Variants in CARM1 observed in about 807,000 individuals in gnomAD.
CARM1 encodes coactivator associated arginine methyltransferase 1, also known as histone-arginine methyltransferase CARM1.
CARM1 carries 14 observed loss-of-function variants against 72.7 expected under a neutral mutation model. That is an observed-to-expected ratio of 0.19 (90% confidence interval 0.13 to 0.30). The LOEUF (loss-of-function observed/expected upper bound fraction) is 0.30. CARM1 is among the 10% of genes least tolerant of loss of function. The probability of loss-of-function intolerance (pLI) is 1.00; values close to 1 mark genes in which losing one functional copy is unlikely to be tolerated. For synonymous variants in CARM1, 333 were observed against 345.5 expected (o/e 0.96, Z 0.40); for missense variants, 432 against 833.7 (o/e 0.52, Z 5.93).
At position 10,916,207 on chromosome 19, in the gene CARM1, G is replaced by A. The variant is rs1245275185; in HGVS notation, c.848-200G>A. Among the ~76,000 whole-genome samples the A allele has an allele frequency of 1.3e-5, 2 of 152,196 alleles. No homozygotes were observed. The highest frequency in any genetic ancestry group is 2.9e-5 in the Non-Finnish European group (2 of 68,038). ...CAGTCTCAGGTGGAATTCGTGAGCT[G>A]GTGCAGGTCAGGTACCCGTGGTGGT... On this transcript the variant is annotated intron_variant, in intron 6 of 15. Coordinates refer to ENST00000327064, the MANE Select transcript of CARM1 (RefSeq NM_199141.2). The surrounding 1 kb of genome is among the most constrained non-coding windows in gnomAD (Gnocchi z 4.4).
chr19:10,908,828 G>A (rs1029432858), intron 3 of CARM1: 3 of 336,028 alleles, frequency 8.9e-6, no homozygotes, highest in African/African-American at 4.4e-5. Flanking sequence ...CCCTGCCTGT[G>A]GCAAATCTTG....
chr19:10,898,150 T>C (rs1207832789), intron 1 of CARM1, among the ~76,000 whole-genome samples: 2 of 142,708 alleles, frequency 1.4e-5, no homozygotes, highest in Non-Finnish European at 3.1e-5. Flanking sequence ...CTAATAAAAA[T>C]ACAAAAATTA....
chr19:10,898,205 G>A (rs926392986), intron 1 of CARM1, among the ~76,000 whole-genome samples: 2 of 152,152 alleles, frequency 1.3e-5, no homozygotes, highest in African/African-American at 4.8e-5. Context: ...TACTCGGGAG[G>A]CTGAGACAGG....
chr19:10,876,581 G>C (rs2073866515), intron 1 of CARM1, among the ~76,000 whole-genome samples: 1 of 152,270 alleles, frequency 6.6e-6, no homozygotes, highest in African/African-American at 2.4e-5. Flanking sequence ...AGAAGGGCCT[G>C]TCTCTGTCAC....
intron 1 of CARM1, among the ~76,000 whole-genome samples, chr19:10,884,060 G>C (rs116771149): frequency 9.3e-5 from 12 of 129,348 alleles, no homozygotes; most frequent in Admixed American, 2.5e-4. Flanking sequence ...TTTTAATTAC[G>C]GGCCAGGTGC....
intron 1 of CARM1, among the ~76,000 whole-genome samples, chr19:10,894,953 C>T (rs900152470): frequency 1.5e-4 from 23 of 152,006 alleles, no homozygotes; most frequent in African/African-American, 4.6e-4. Context: ...CTGTGTTACC[C>T]AGGCTGGTCT....
chr19:10,904,588 G>A (rs1038340985), intron 1 of CARM1, among the ~76,000 whole-genome samples: 16 of 152,192 alleles, frequency 1.1e-4, no homozygotes, highest in African/African-American at 3.6e-4. Flanking sequence ...ACTGCTCTGC[G>A]CCCATCCAAG....
chr19:10,905,723 C>G (rs1443211218), intron 2 of CARM1, among the ~76,000 whole-genome samples: 1 of 152,024 alleles, frequency 6.6e-6, no homozygotes, highest in African/African-American at 2.4e-5. Flanking sequence ...CCGGCCTCCC[C>G]CTTGTCTCAA....
chr19:10,902,693 C>G (rs1259054965), intron 1 of CARM1, among the ~76,000 whole-genome samples: 1 of 151,150 alleles, frequency 6.6e-6, no homozygotes, highest in African/African-American at 2.4e-5. Context: ...ACTGCAGTGT[C>G]AACTTCCTGG....
At chr19:10,904,078 T>G (rs185436033) in intron 1 of CARM1, among the ~76,000 whole-genome samples, 1 of 152,338 alleles carries the variant, frequency 6.6e-6, no homozygotes, top group East Asian at 1.9e-4. Flanking sequence ...CATTGGGCAC[T>G]CCCCTCTTTC....
intron 1 of CARM1, among the ~76,000 whole-genome samples, chr19:10,885,905 T>C (rs1003976874): frequency 6.7e-6 from 1 of 149,816 alleles, no homozygotes. Context: ...TTTTTTTTTT[T>C]TTTTTTTTTG....
chr19:10,917,955 G>A (rs915897960), intron 8 of CARM1, among the ~76,000 whole-genome samples: 3 of 151,996 alleles, frequency 2.0e-5, no homozygotes, highest in African/African-American at 7.2e-5. Flanking sequence ...TAGGTGATCC[G>A]CCTGCCTCGG....
At chr19:10,872,036 G>A in intron 1 of CARM1, 114 bp downstream of exon 1, 1 of 885,720 alleles carries the variant, frequency 1.1e-6, no homozygotes, top group Non-Finnish European at 1.4e-6. Flanking sequence ...GGGGTCCCCG[G>A]GACTGAGCCG....
chr19:10,879,818 T>A lies in CARM1; in HGVS notation c.220+7896T>A, dbSNP rs1226661002. On this transcript the variant is annotated intron_variant, in intron 1 of 15. Coordinates refer to ENST00000327064, the MANE Select transcript of CARM1 (RefSeq NM_199141.2). ...TAGTAGATACGGGGGTCTCACCCTT[T>A]TGGCCAGGCTGGTCTTGAACTCCTG... Among the ~76,000 whole-genome samples the A allele has an allele frequency of 6.6e-5, 10 of 152,176 alleles. 1 individual carries two copies.
intron 1 of CARM1, 131 bp downstream of exon 1, chr19:10,872,053 T>C: frequency 1.3e-6 from 1 of 762,162 alleles, no homozygotes; most frequent in Non-Finnish European, 1.7e-6. Flanking sequence ...GCCGGTGGCC[T>C]GCAGGGAGCG....
In CARM1 at chr19:10,912,408, T is replaced by C; in HGVS notation, c.669+114T>C. The C allele has an allele frequency of 2.7e-6, 2 of 732,126 alleles. No individual in the cohort carries two copies. The highest frequency in any genetic ancestry group is 4.8e-6 in the Non-Finnish European group (2 of 417,722). The allele number at this position is 732,126 out of a possible 1,614,324, so 45.4% of individuals were successfully genotyped here. A position where few individuals can be genotyped will look rare whatever the true frequency, so the allele number is the denominator to read the frequency against. ...GGGCCTGGGGACATTACTTCTGTGC[T>C]TTGGTCTCTTTATTGTCCCCAAGAC... On this transcript the variant is annotated intron_variant, in intron 5 of 15. Coordinates refer to ENST00000327064, the MANE Select transcript of CARM1 (RefSeq NM_199141.2). This position sits in a 1 kb window ranked among gnomAD's most constrained non-coding sequence, Gnocchi z 4.5.
rs772797139 is a variant in CARM1 at position 10,904,984 on chromosome 19, C to A, written c.254C>A (p.Ser85Tyr). ...EDVCVFKCSV[S>Y]RETECSRVGK... ...GTGTGTGTCTTTAAGTGCTCAGTGT[C>A]CCGAGAGACAGAGTGCAGCCGTGTG... Residue 85 changes from serine to tyrosine, a missense_variant, in exon 2 of 16, where the codon TCC becomes TAC. Coordinates refer to ENST00000327064, the MANE Select transcript of CARM1 (RefSeq NM_199141.2). 1.2e-6 allele frequency: 2 copies of A among 1,614,222 alleles called. No individual in the cohort carries two copies. The highest frequency in any genetic ancestry group is 2.2e-5 in the South Asian group (2 of 91,076).
At chr19:10,872,046 G>C (rs1195438741) in intron 1 of CARM1, 124 bp downstream of exon 1, 4 of 834,422 alleles carry the variant, frequency 4.8e-6, no homozygotes, top group Non-Finnish European at 6.2e-6. Context: ...GGACTGAGCC[G>C]GTGGCCTGCA....
intron 1 of CARM1, among the ~76,000 whole-genome samples, chr19:10,876,486 TAGG>T (rs756706155): frequency 4.0e-4 from 61 of 152,246 alleles, no homozygotes; most frequent in Middle Eastern, 3.4e-3. Context: ...GTACCTAACA[TAGG>T]AGGCCCAGGA....
Sources: gnomAD v4.1 joint callset for allele counts (sites outside exome capture counted in the v4.1 genomes callset) on GRCh38, gnomAD v4.1.1 for gene constraint, Gnocchi (gnomAD v3.1) non-coding constraint, MANE v1.5 for transcripts, NCBI Gene and HGNC (gene_info 2026-07-23, HGNC 2026-07-21) for gene names.